The following IL34 variants were observed in gnomAD, a reference collection of about 807,000 sequenced individuals.
IL34 encodes interleukin 34, also known as interleukin-34.
Under a neutral mutation model 25.3 loss-of-function variants are expected in IL34, and 17 were observed. The observed-to-expected ratio is 0.67, with a 90% CI of 0.46 to 1.01. The LOEUF is 1.01. Ranked by LOEUF, IL34 falls within the 50% of genes least tolerant of loss-of-function variation. IL34 has a pLI of 0.00. For synonymous variants in IL34, 174 were observed against 140.9 expected (o/e 1.23, Z -1.66); for missense variants, 368 against 312.9 (o/e 1.18, Z -1.33).
chr16:70,632,628 C>G (rs1310035563), intron 1 of IL34, among the ~76,000 whole-genome samples: 1 of 152,090 alleles, frequency 6.6e-6, no homozygotes, highest in East Asian at 1.9e-4. Flanking sequence ...AAGTGGGTCT[C>G]TGGGGTGGTG....
chr16:70,653,069 A>T (rs1000933269), intron 1 of IL34, among the ~76,000 whole-genome samples: 1 of 152,126 alleles, frequency 6.6e-6, no homozygotes, highest in Non-Finnish European at 1.5e-5. Flanking sequence ...GGCCGGGTGT[A>T]GTAGCCCCTG....
At chr16:70,602,483 C>T (rs1312104514) in intron 1 of IL34, among the ~76,000 whole-genome samples, 1 of 151,882 alleles carries the variant, frequency 6.6e-6, no homozygotes, top group African/African-American at 2.4e-5. Flanking sequence ...CAGTGAGCCA[C>T]GATCATGCCA....
intron 1 of IL34, among the ~76,000 whole-genome samples, chr16:70,607,959 G>A (rs2051032614): frequency 6.6e-6 from 1 of 151,688 alleles, no homozygotes; most frequent in Non-Finnish European, 1.5e-5. Flanking sequence ...GTAGAGACGG[G>A]GTTTTGCCAT....
At position 70,657,046 on chromosome 16, in the gene IL34, GC is replaced by G; in HGVS notation, c.328del (p.Leu110SerfsTer18). 6.2e-7 allele frequency: 1 copy of G among 1,612,872 alleles called. No homozygotes were observed. The highest frequency in any genetic ancestry group is 8.5e-7 in the Non-Finnish European group (1 of 1,180,002). On this transcript the variant is annotated frameshift_variant, in exon 4 of 6. Coordinates refer to ENST00000288098, the MANE Select transcript of IL34 (RefSeq NM_001393494.1). LOFTEE classifies it high-confidence loss of function. ...SATESVQDVL[L>X]EGHPSWKYLQ... is the part of the protein sequence containing the mutation. ...CCACTGAGTCGGTGCAGGACGTGCT[GC>G]TCGAGGGCCACCCATCCTGGAAGTA...
At chr16:70,650,579 T>G (rs1201599380) in intron 1 of IL34, among the ~76,000 whole-genome samples, 1 of 152,110 alleles carries the variant, frequency 6.6e-6, no homozygotes, top group Non-Finnish European at 1.5e-5. Flanking sequence ...AAAGACCCAG[T>G]GTGGACAGAG....
At chr16:70,586,865 C>T (rs1259119547) in intron 1 of IL34, among the ~76,000 whole-genome samples, 1 of 152,212 alleles carries the variant, frequency 6.6e-6, no homozygotes, top group Admixed American at 6.5e-5. Flanking sequence ...TGAGATGTGA[C>T]CCCAGATGGG....
chr16:70,647,508 A>G (rs2051969513), intron 1 of IL34, among the ~76,000 whole-genome samples: 1 of 152,250 alleles, frequency 6.6e-6, no homozygotes, highest in African/African-American at 2.4e-5. Flanking sequence ...AAATGAGGAC[A>G]GAAAGGAAAA....
At chr16:70,642,100 A>T (rs2051797883), upstream of IL34, among the ~76,000 whole-genome samples, 2 of 152,098 alleles carry the variant, frequency 1.3e-5, no homozygotes, top group Non-Finnish European at 2.9e-5. Context: ...CTGTTTTCTC[A>T]CCATTCTCTG....
At chr16:70,643,018 T>C (rs1597771925), upstream of IL34, among the ~76,000 whole-genome samples, 1 of 152,104 alleles carries the variant, frequency 6.6e-6, no homozygotes, top group East Asian at 1.9e-4. Context: ...CACAACTTAG[T>C]ACACTAAAAA....
At chr16:70,631,247 T>C (rs1054251723) in intron 1 of IL34, among the ~76,000 whole-genome samples, 5 of 152,172 alleles carry the variant, frequency 3.3e-5, no homozygotes, top group African/African-American at 1.2e-4. Context: ...TACTGTGGAC[T>C]GTTGTGGACA....
intron 1 of IL34, among the ~76,000 whole-genome samples, chr16:70,586,703 T>C (rs1037779721): frequency 6.6e-6 from 1 of 152,218 alleles, no homozygotes; most frequent in African/African-American, 2.4e-5. Context: ...GGACCTGTCC[T>C]CCAGCCTGGC....
At chr16:70,647,939 G>T (rs138773076) in intron 1 of IL34, among the ~76,000 whole-genome samples, 2 of 152,302 alleles carry the variant, frequency 1.3e-5, no homozygotes, top group Admixed American at 1.3e-4. Flanking sequence ...AGGTGGGGTG[G>T]TGGTCACACA....
Position 70,640,519 on chromosome 16 carries a change from G to A in IL34, c.-400-6029G>A, listed in dbSNP as rs2051755861. Among the ~76,000 whole-genome samples, 6 of 151,876 alleles carry A rather than the reference G, an allele frequency of 4.0e-5. 1 individual carries two copies. Among genetic ancestry groups the A allele is most frequent in the African/African-American group, 1.4e-4 (6 of 41,386 alleles). On this transcript the variant is annotated intron_variant, in intron 1 of 6. Transcript: ENST00000429149. ...CATGCCTGTAATCCCAGCTACTTGG[G>A]ACGCTGAGGCAGGAGAATCTCTTGA...
At chr16:70,585,225 A>G (rs981807388) in intron 1 of IL34, among the ~76,000 whole-genome samples, 3 of 152,078 alleles carry the variant, frequency 2.0e-5, no homozygotes, top group Non-Finnish European at 2.9e-5. Flanking sequence ...TTGTCTTTTT[A>G]TGACTGGCTC....
intron 1 of IL34, among the ~76,000 whole-genome samples, chr16:70,598,262 C>A (rs1414527677): frequency 1.3e-5 from 2 of 152,118 alleles, no homozygotes; most frequent in Admixed American, 6.6e-5. Context: ...CCATTAGCGA[C>A]CTCTTAGAGG....
intron 1 of IL34, among the ~76,000 whole-genome samples, chr16:70,582,694 T>C (rs551824342): frequency 6.6e-6 from 1 of 152,264 alleles, no homozygotes. Flanking sequence ...AGGCAGAAAA[T>C]CCATGTGTTC....
chr16:70,598,697 C>T (rs1415149575), intron 1 of IL34, among the ~76,000 whole-genome samples: 1 of 152,142 alleles, frequency 6.6e-6, no homozygotes, highest in African/African-American at 2.4e-5. Flanking sequence ...CGAGATTGCA[C>T]CACTGCACTC....
chr16:70,659,909 G>A (rs753555680), intron 5 of IL34, 88 bp from the exon 6 acceptor site: 134 of 1,480,076 alleles, frequency 9.1e-5, no homozygotes, highest in Non-Finnish European at 1.1e-4. Flanking sequence ...TGGGTAGAGT[G>A]GGGGACAAGC....
At chr16:70,637,660 T>G (rs2051686666) in intron 1 of IL34, among the ~76,000 whole-genome samples, 1 of 152,176 alleles carries the variant, frequency 6.6e-6, no homozygotes, top group East Asian at 1.9e-4. Context: ...AATTTCTATA[T>G]GTGGTATGAG....
Sources: allele counts gnomAD v4.1 joint callset (sites outside exome capture counted in the v4.1 genomes callset), GRCh38; gene constraint gnomAD v4.1.1; transcripts MANE v1.5; gene names NCBI Gene and HGNC (gene_info 2026-07-23, HGNC 2026-07-21).